The following FAM13B variants were observed in gnomAD, a reference collection of about 807,000 sequenced individuals.
The protein encoded by FAM13B is protein FAM13B.
Under a neutral mutation model 117.3 loss-of-function variants are expected in FAM13B, and 60 were observed. That is an observed-to-expected ratio of 0.51 (90% CI 0.42 to 0.63). The LOEUF (loss-of-function observed/expected upper bound fraction) is 0.63. Ranked by LOEUF, FAM13B falls within the 30% of genes least tolerant of loss-of-function variation. The pLI, the probability that FAM13B is intolerant of heterozygous loss-of-function variation, is 0.00. For synonymous variants in FAM13B, 332 were observed against 356.1 expected, an observed-to-expected ratio of 0.93 and a Z score of 0.76; for missense variants, 972 against 1,091.9, an observed-to-expected ratio of 0.89 and a Z score of 1.55.
At chr5:137,980,272 T>A (rs7731066) in intron 10 of FAM13B, among the ~76,000 whole-genome samples, 2 of 151,798 alleles carry the variant, frequency 1.3e-5, no homozygotes, top group East Asian at 1.9e-4. Context: ...CTGAACTAAC[T>A]TATTCAAATA....
At chr5:138,019,675 G>A (rs1174940229) in intron 2 of FAM13B, among the ~76,000 whole-genome samples, 1 of 109,320 alleles carries the variant, frequency 9.1e-6, no homozygotes, top group African/African-American at 3.2e-5. Flanking sequence ...TAAAGCAGCT[G>A]TAATAAATTT....
At chr5:138,040,749 G>T (rs1000035237) in intron 1 of FAM13B, among the ~76,000 whole-genome samples, 2 of 151,744 alleles carry the variant, frequency 1.3e-5, no homozygotes, top group African/African-American at 2.4e-5. Context: ...AGAGAAAGGG[G>T]ATCTTAAAAT....
At chr5:138,009,359 T>C (rs999970895) in intron 6 of FAM13B, among the ~76,000 whole-genome samples, 16 of 152,146 alleles carry the variant, frequency 1.1e-4, no homozygotes, top group African/African-American at 2.7e-4. Flanking sequence ...TCTCAAATGA[T>C]AGATCAGGTT....
chr5:137,942,156 C>T, intron 22 of FAM13B, 111 bp from the exon 23 acceptor site: 1 of 793,426 alleles, frequency 1.3e-6, no homozygotes, highest in Non-Finnish European at 2.0e-6. Context: ...GTTAGGTCTA[C>T]CAATGCCTAA....
Position 138,018,323 on chromosome 5 carries a change from G to A in FAM13B, c.349C>T (p.His117Tyr). Residue 117 changes from histidine to tyrosine, a missense_variant, in exon 4 of 24, where the codon CAC becomes TAC. His to Tyr is a moderately conservative substitution (Grantham distance 83). Coordinates refer to ENST00000689681, the MANE Select transcript of FAM13B (RefSeq NM_001385994.1). ...TTACCTTGAGAAAGCTGCATCAAGTGAATATGTAAACTGCCAGGGATAACA... is the reference window on the plus strand; with the variant it reads ...TTACCTTGAGAAAGCTGCATCAAGTAAATATGTAAACTGCCAGGGATAACA... Reference protein sequence around the residue: ...EPVIPGSLHIHLMQLSQDYNN... With the variant: ...EPVIPGSLHIYLMQLSQDYNN... The A allele has an allele frequency of 6.2e-7, 1 of 1,613,978 alleles. No homozygotes were observed. The highest frequency in any genetic ancestry group is 8.5e-7 in the Non-Finnish European group (1 of 1,179,860).
intron 7 of FAM13B, among the ~76,000 whole-genome samples, chr5:137,993,610 G>A (rs1264584132): frequency 1.3e-5 from 2 of 151,220 alleles, no homozygotes; most frequent in Non-Finnish European, 2.9e-5. Context: ...ATGAAACCTC[G>A]TATCTACTAA....
At chr5:137,959,900 TG>T in intron 12 of FAM13B, 137 bp from the exon 13 acceptor site, 1 of 781,702 alleles carries the variant, frequency 1.3e-6, no homozygotes, top group South Asian at 1.9e-5. Flanking sequence ...ACTCCCACTG[TG>T]CAAACTATTT....
chr5:138,024,277 G>T (rs1016680527), intron 1 of FAM13B, among the ~76,000 whole-genome samples: 1 of 152,048 alleles, frequency 6.6e-6, no homozygotes, highest in African/African-American at 2.4e-5. Context: ...AATGACTCAT[G>T]CCCTTATAAG....
chr5:137,940,787 C>A (rs1366947515), intron 23 of FAM13B, among the ~76,000 whole-genome samples: 1 of 152,098 alleles, frequency 6.6e-6, no homozygotes. Context: ...TAGTAATGAC[C>A]CAATGCAATT....
At chr5:137,948,145 G>A (rs1455294952) in intron 18 of FAM13B, among the ~76,000 whole-genome samples, 1 of 149,868 alleles carries the variant, frequency 6.7e-6, no homozygotes, top group African/African-American at 2.5e-5. Flanking sequence ...GACTGCCCTA[G>A]GCACAGGCTT....
chr5:137,941,190 G>A (rs1223492150), intron 23 of FAM13B, among the ~76,000 whole-genome samples: 2 of 152,092 alleles, frequency 1.3e-5, no homozygotes, highest in African/African-American at 2.4e-5. Context: ...TTACAGACGT[G>A]AGCCACTGCG....
chr5:137,944,533 C>T (rs1054664091), intron 20 of FAM13B, among the ~76,000 whole-genome samples: 2 of 151,944 alleles, frequency 1.3e-5, no homozygotes, highest in Non-Finnish European at 2.9e-5. Context: ...TTTGGAAGGC[C>T]GAGGCAGGTG....
chr5:137,940,319 A>C lies in FAM13B; in HGVS notation c.2720T>G (p.Val907Gly). Residue 907 changes from valine to glycine, a missense_variant, in exon 24 of 24, where the codon GTG becomes GGG. By Grantham distance (109) the Val-to-Gly change is moderately radical (BLOSUM62 -3). Coordinates refer to ENST00000689681, the MANE Select transcript of FAM13B (RefSeq NM_001385994.1). ...CTTGTACTCTCTGTACTCCTCAAGC[A>C]CTGGAACACGATCCTCTTTCTGGGC... ...RNAQKEDRVP[V>G]LEEYREYKKI... is the part of the protein sequence containing the mutation. 6.2e-7 allele frequency: 1 copy of C among 1,607,406 alleles called. No individual in the cohort carries two copies. Among genetic ancestry groups the C allele is most frequent in the Non-Finnish European group, 8.5e-7 (1 of 1,174,768 alleles).
At chr5:138,031,386 G>T (rs1789957064) in intron 1 of FAM13B, among the ~76,000 whole-genome samples, 1 of 152,082 alleles carries the variant, frequency 6.6e-6, no homozygotes, top group African/African-American at 2.4e-5. Context: ...AAGCAGCACG[G>T]ATTAAAAAAG....
At chr5:137,997,567 C>A (rs1405313090) in intron 7 of FAM13B, among the ~76,000 whole-genome samples, 1 of 151,968 alleles carries the variant, frequency 6.6e-6, no homozygotes, top group African/African-American at 2.4e-5. Context: ...CCATGGACTT[C>A]ATGGATAAGA....
rs746587608 is a variant in FAM13B at position 137,941,933 on chromosome 5, G to A, written c.2690+11C>T. 1 of 1,604,872 alleles carries A rather than the reference G, an allele frequency of 6.2e-7. No homozygotes were observed. Among genetic ancestry groups the A allele is most frequent in the Admixed American group, 1.7e-5 (1 of 59,808 alleles). On this transcript the variant is annotated intron_variant, in intron 23 of 23. Transcript: ENST00000689681. ...AAGAAAGATGACTCAATTTTGTGAT[G>A]CTCAACAAACCTTCCATTTTGTTGA...
intron 15 of FAM13B, 125 bp from the exon 16 acceptor site, chr5:137,953,590 A>G (rs1765631272): frequency 5.4e-6 from 5 of 920,168 alleles, no homozygotes; most frequent in Non-Finnish European, 6.6e-6. Context: ...CCCTAACACT[A>G]AAGGACAGGT....
chr5:137,968,914 C>T (rs1054196330), intron 10 of FAM13B, among the ~76,000 whole-genome samples: 14 of 152,198 alleles, frequency 9.2e-5, no homozygotes, highest in South Asian at 4.1e-4. Flanking sequence ...GCTTAAAAAA[C>T]GGCACACCAG....
rs531500396 is a variant in FAM13B at position 137,950,246 on chromosome 5, TGGACGG to T, written c.1931-1068_1931-1063del. Among the ~76,000 whole-genome samples the T allele has an allele frequency of 6.2e-4, 94 of 152,270 alleles. 1 individual carries two copies. The highest frequency in any genetic ancestry group is 2.2e-3 in the African/African-American group (91 of 41,558). On this transcript the variant is annotated intron_variant, in intron 17 of 23. Transcript: ENST00000689681. ...ATAATTTGTGGAGGAACAACTACAT[TGGACGG>T]GATTGACAAAGAAGACCTCTCTGAA...
Sources: allele counts gnomAD v4.1 joint callset (sites outside exome capture counted in the v4.1 genomes callset), GRCh38; gene constraint gnomAD v4.1.1; transcripts MANE v1.5; gene names NCBI Gene and HGNC (gene_info 2026-07-23, HGNC 2026-07-21).